Variants in TTI1 observed in about 807,000 individuals in gnomAD.
TTI1 encodes the protein TELO2 interacting protein 1.
TTI1 carries 52 observed loss-of-function variants against 85.4 expected under a neutral mutation model. That is an observed-to-expected ratio of 0.61 (90% CI 0.49 to 0.77). TTI1 has a LOEUF of 0.77. TTI1 is among the 30% of genes least tolerant of loss of function. The pLI, the probability that TTI1 is intolerant of heterozygous loss-of-function variation, is 0.00. For missense variants in TTI1, 1,173 were observed against 1,296.0 expected (o/e 0.91, Z 1.46); for synonymous variants, 512 against 503.9 (o/e 1.02, Z -0.22).
At chr20:38,007,920 C>G (rs1353073088) in intron 2 of TTI1, among the ~76,000 whole-genome samples, 1 of 152,200 alleles carries the variant, frequency 6.6e-6, no homozygotes, top group African/African-American at 2.4e-5. Context: ...TAGTTAAAAC[C>G]TGGACCCAGC....
intron 7 of TTI1, among the ~76,000 whole-genome samples, chr20:37,986,612 G>C (rs1194186209): frequency 1.3e-5 from 2 of 152,238 alleles, no homozygotes; most frequent in East Asian, 3.9e-4. Context: ...TTTGCCTCAT[G>C]AACCTGTTTC....
At position 37,985,689 on chromosome 20, in the gene TTI1, G is replaced by A. The variant is rs73621925; in HGVS notation, c.3087-2050C>T. 3.6e-3 allele frequency among the ~76,000 whole-genome samples: 540 copies of A among 152,080 alleles called. 19 individuals carry two copies. The East Asian group carries it at 0.085, about 24-fold the overall frequency. ...ATTACAGGCATCCATCACCATGCCCGGCTAATTTTTGTATTTTTAGTAGAG... is the reference window on the plus strand; with the variant it reads ...ATTACAGGCATCCATCACCATGCCCAGCTAATTTTTGTATTTTTAGTAGAG... On this transcript the variant is annotated intron_variant, in intron 7 of 7. Transcript: ENST00000373447.
intron 4 of TTI1, among the ~76,000 whole-genome samples, chr20:38,000,109 G>A (rs909770137): frequency 6.6e-6 from 1 of 152,196 alleles, no homozygotes; most frequent in Admixed American, 6.5e-5. Flanking sequence ...TGGAGATGAC[G>A]TGGCTTAAAT....
intron 1 of TTI1, among the ~76,000 whole-genome samples, chr20:38,030,562 C>CACA (rs11474348): frequency 6.6e-6 from 1 of 150,864 alleles, no homozygotes; most frequent in Non-Finnish European, 1.5e-5. Context: ...CACACACACA[C>CACA]CATGATAAAG....
chr20:37,992,880 G>A lies in TTI1; in HGVS notation c.3086+3495C>T, dbSNP rs527439840. Among the ~76,000 whole-genome samples the A allele has an allele frequency of 2.6e-4, 40 of 152,278 alleles. No homozygotes were observed. In the South Asian group the frequency reaches 4.1e-3, roughly 16 times the overall value. ...GAACTGTGAAGGCCCAGGGCATGCC[G>A]GGAGACATCCTGGAGACTGAGAATT... On this transcript the variant is annotated intron_variant, in intron 7 of 7. Transcript: ENST00000373447.
At chr20:37,988,834 G>A (rs576400143) in intron 7 of TTI1, among the ~76,000 whole-genome samples, 45 of 151,836 alleles carry the variant, frequency 3.0e-4, no homozygotes, top group African/African-American at 7.5e-4. Context: ...TGGTGTTCCC[G>A]TTGTTCCCTC....
intron 1 of TTI1, among the ~76,000 whole-genome samples, chr20:38,027,015 T>G (rs577843506): frequency 2.0e-5 from 3 of 152,324 alleles, no homozygotes; most frequent in African/African-American, 4.8e-5. Flanking sequence ...TACAAAGAGA[T>G]ATACTCAGAA....
In TTI1 at chr20:37,993,667, G is replaced by A. The variant is rs144119777; in HGVS notation, c.3086+2708C>T. ...ACAGGAGGCCTGGGAGCAGCCTCCT[G>A]CCCTGAGAGCTTCCCTCACCAGCCC... On this transcript the variant is annotated intron_variant, in intron 7 of 7. Transcript: ENST00000373447. Among the ~76,000 whole-genome samples, 1,215 of 152,306 alleles carry A rather than the reference G, an allele frequency of 8.0e-3. 6 individuals carry two copies. Among genetic ancestry groups the A allele is most frequent in the African/African-American group, 0.023 (949 of 41,564 alleles).
chr20:38,013,519 G>A lies in TTI1; in HGVS notation c.298C>T (p.Leu100Phe). ...CTGGGTGAATACAGACAAGCAGAGA[G>A]TTCTGAAAAGAGTTCCTGGAGAAGC... ...QELLQELFSELSACLYSPSSQ... is the reference protein window; with the variant it reads ...QELLQELFSEFSACLYSPSSQ... Residue 100 changes from leucine (L) to phenylalanine (F), a missense_variant, in exon 2 of 8, where the codon CTC (leucine) becomes TTC (phenylalanine). Physicochemically the swap from Leu to Phe is conservative, Grantham distance 22. Coordinates refer to ENST00000373447, the MANE Select transcript of TTI1 (RefSeq NM_001303457.2). 6.2e-7 allele frequency: 1 copy of A among 1,614,140 alleles called. No individual in the cohort carries two copies. The highest frequency in any genetic ancestry group is 8.5e-7 in the Non-Finnish European group (1 of 1,180,034).
chr20:37,983,658 G>A lies in TTI1; in HGVS notation c.3087-19C>T, dbSNP rs1336302079. On this transcript the variant is annotated intron_variant, in intron 7 of 7. Transcript: ENST00000373447. ...GAAGACGCTGTGGAGAGATGGAAAG[G>A]AGTGAGTAGAGGGTACAGAGAGGGA... 1 of 1,498,768 alleles carries A rather than the reference G, an allele frequency of 6.7e-7. No homozygotes were observed. Among genetic ancestry groups the A allele is most frequent in the Non-Finnish European group, 8.9e-7 (1 of 1,122,780 alleles). The allele number at this position is 1,498,768 out of a possible 1,614,324, so 92.8% of individuals were successfully genotyped here. A position where few individuals can be genotyped will look rare whatever the true frequency, so the allele number is the denominator to read the frequency against.
At chr20:37,995,367 GCA>G (rs2073323742) in intron 7 of TTI1, among the ~76,000 whole-genome samples, 1 of 152,258 alleles carries the variant, frequency 6.6e-6, no homozygotes, top group Admixed American at 6.5e-5. Context: ...TCTCCTCACT[GCA>G]CAGTCAGAGC....
At chr20:38,010,892 C>A (rs1225829922) in intron 2 of TTI1, among the ~76,000 whole-genome samples, 1 of 152,156 alleles carries the variant, frequency 6.6e-6, no homozygotes, top group East Asian at 1.9e-4. Context: ...AGTTTCTAGA[C>A]CTGCTCTGTC....
Position 38,006,597 on chromosome 20 carries a change from C to T in TTI1, c.2303-200G>A, listed in dbSNP as rs893916317. Among the ~76,000 whole-genome samples, 8 of 152,332 alleles carry T rather than the reference C, an allele frequency of 5.3e-5. No individual in the cohort carries two copies. In the East Asian group the frequency reaches 1.3e-3, roughly 26 times the overall value. ...CGGCAAGCATTTTCCTGTTTCAGAA[C>T]TCTTGCATAGGCCGTTCTCTGTGTC... On this transcript the variant is annotated intron_variant, in intron 2 of 7. Coordinates refer to ENST00000373447, the MANE Select transcript of TTI1 (RefSeq NM_001303457.2).
chr20:38,030,777 T>C (rs2073896376), intron 1 of TTI1, among the ~76,000 whole-genome samples: 1 of 152,196 alleles, frequency 6.6e-6, no homozygotes, highest in South Asian at 2.1e-4. Flanking sequence ...TTTTTATCTC[T>C]AACCCAGATA....
At chr20:38,032,145 T>C (rs765332179) in intron 1 of TTI1, among the ~76,000 whole-genome samples, 2 of 152,222 alleles carry the variant, frequency 1.3e-5, no homozygotes, top group East Asian at 3.8e-4. Context: ...AATGTGATCT[T>C]GGGTAGGTCA....
At position 38,011,625 on chromosome 20, in the gene TTI1, A is replaced by T. The variant is rs1358260915; in HGVS notation, c.2192T>A (p.Leu731His). ...TTGAACCACATCTGCCACCAAAGGA[A>T]GCAGGTTAGCATCTGAGTTCCGCAG... ...VMLRNSDANL[L>H]PLVADVVQDV... Residue 731 changes from leucine to histidine, a missense_variant, in exon 2 of 8, where the codon CTT becomes CAT. By Grantham distance (99) the Leu-to-His change is moderately conservative. Transcript: ENST00000373447. The T allele has an allele frequency of 6.2e-7, 1 of 1,614,222 alleles. No individual in the cohort carries two copies. Among genetic ancestry groups the T allele is most frequent in the Non-Finnish European group, 8.5e-7 (1 of 1,180,032 alleles).
chr20:37,999,735 T>C (rs973464783), intron 4 of TTI1, among the ~76,000 whole-genome samples: 2 of 152,230 alleles, frequency 1.3e-5, no homozygotes, highest in African/African-American at 2.4e-5. Context: ...TGAAGATTCA[T>C]GCAACTGGAA....
chr20:37,995,489 G>A (rs2073325478), intron 7 of TTI1, among the ~76,000 whole-genome samples: 1 of 152,268 alleles, frequency 6.6e-6, no homozygotes, highest in Non-Finnish European at 1.5e-5. Flanking sequence ...CGCTGCAGGC[G>A]TGAAGCTGGT....
intron 1 of TTI1, 128 bp from the exon 2 acceptor site, chr20:38,013,985 T>A (rs1568625147): frequency 1.1e-6 from 1 of 922,268 alleles, no homozygotes; most frequent in East Asian, 2.6e-5. Flanking sequence ...GCACTAGGGG[T>A]GCAATGAAAC....
Sources: allele counts gnomAD v4.1 joint callset (sites outside exome capture counted in the v4.1 genomes callset), GRCh38; gene constraint gnomAD v4.1.1; transcripts MANE v1.5; gene names NCBI Gene and HGNC (gene_info 2026-07-23, HGNC 2026-07-21).